NPAS1: variants seen among roughly 807,000 people sequenced by gnomAD.
The protein encoded by NPAS1 is neuronal PAS domain-containing protein 1.
Under a neutral mutation model 49.2 loss-of-function variants are expected in NPAS1, and 29 were observed. The observed-to-expected ratio is 0.59, with a 90% CI of 0.44 to 0.80. NPAS1 has a LOEUF of 0.80. NPAS1 is among the 30% of genes least tolerant of loss of function. The probability of loss-of-function intolerance (pLI) is 0.00; values close to 1 mark genes in which losing one functional copy is unlikely to be tolerated. For missense variants in NPAS1, 825 were observed against 835.5 expected (o/e 0.99, Z 0.15); for synonymous variants, 408 against 380.4 (o/e 1.07, Z -0.84).
At chr19:47,045,071 A>C (rs1346397258) in intron 11 of NPAS1, 120 bp from the exon 12 acceptor site, 10 of 952,688 alleles carry the variant, frequency 1.0e-5, no homozygotes, top group African/African-American at 1.7e-5. Context: ...CAAACAAAAA[A>C]AAAAACCCCA....
intron 3 of NPAS1, among the ~76,000 whole-genome samples, chr19:47,023,560 C>T (rs1037220333): frequency 6.6e-6 from 1 of 152,126 alleles, no homozygotes; most frequent in African/African-American, 2.4e-5. Context: ...CACCTGCTTC[C>T]ATAGTTCAGA....
chr19:47,034,313 TCAAAAAA>T (rs2056930849), intron 5 of NPAS1, among the ~76,000 whole-genome samples: 1 of 31,452 alleles, frequency 3.2e-5, no homozygotes, highest in Admixed American at 4.1e-4. Flanking sequence ...AAACTCCGTC[TCAAAAAA>T]AAAAAAAAAA....
chr19:47,021,530 C>T lies in NPAS1; in HGVS notation c.123-82C>T. 1.0e-6 allele frequency: 1 copy of T among 960,228 alleles called. No individual in the cohort carries two copies. Among genetic ancestry groups the T allele is most frequent in the Non-Finnish European group, 1.5e-6 (1 of 683,698 alleles). 59.5% of individuals were successfully genotyped at this position (960,228 alleles called of 1,614,324 possible). A position where few individuals can be genotyped will look rare whatever the true frequency, so the allele number is the denominator to read the frequency against. Reference sequence around the variant, plus strand: ...AACGTCCCGTCCCGTTCCCAAGGCCCCGGGAGGCGGGGCTCGCCCCCAGTT... The same window carrying T: ...AACGTCCCGTCCCGTTCCCAAGGCCTCGGGAGGCGGGGCTCGCCCCCAGTT... On this transcript the variant is annotated intron_variant, in intron 2 of 11. Coordinates refer to ENST00000602212, the MANE Select transcript of NPAS1 (RefSeq NM_002517.4). The surrounding 1 kb of genome is among the most constrained non-coding windows in gnomAD (Gnocchi z 5.7).
chr19:47,038,915 TGAGTGCGGCCGTGGCCCAGCG>T lies in NPAS1; in HGVS notation c.689-118_689-98del. On this transcript the variant is annotated intron_variant, in intron 6 of 11. Transcript: ENST00000602212. ...CTTTCAAAATCATCAGGCATGCCTCTGAGTGCGGCCGTGGCCCAGCGGACATCTTGTGTCTATGTCCGGCTG... is the reference window on the plus strand; with the variant it reads ...CTTTCAAAATCATCAGGCATGCCTCTGACATCTTGTGTCTATGTCCGGCTG... The T allele has an allele frequency of 1.7e-5, 13 of 778,118 alleles. No individual in the cohort carries two copies. In the South Asian group the frequency reaches 2.0e-4, roughly 12 times the overall value. 48.2% of individuals were successfully genotyped at this position (778,118 alleles called of 1,614,324 possible).
chr19:47,033,491 C>G (rs572771411), intron 5 of NPAS1, among the ~76,000 whole-genome samples: 2 of 152,222 alleles, frequency 1.3e-5, no homozygotes, highest in African/African-American at 2.4e-5. Flanking sequence ...ATCCGCCTGC[C>G]TCAGCCTCCC....
At chr19:47,039,007 C>A in intron 6 of NPAS1, 29 bp from the exon 7 acceptor site, 4 of 1,599,390 alleles carry the variant, frequency 2.5e-6, no homozygotes, top group South Asian at 1.1e-5. Context: ...CTTCAGGACC[C>A]CATAACCTTC....
At chr19:47,029,174 C>T (rs1302529465) in intron 3 of NPAS1, among the ~76,000 whole-genome samples, 11 of 151,778 alleles carry the variant, frequency 7.2e-5, no homozygotes, top group African/African-American at 2.2e-4. Context: ...CTCTGCCTCC[C>T]GGGTTCAAGT....
At chr19:47,040,321 C>T in intron 8 of NPAS1, 123 bp from the exon 9 acceptor site, 1 of 644,080 alleles carries the variant, frequency 1.6e-6, no homozygotes, top group Non-Finnish European at 2.8e-6. Flanking sequence ...CCGCGCCTGC[C>T]AACACTGTTA....
chr19:47,021,573 C>A lies in NPAS1; in HGVS notation c.123-39C>A. The A allele has an allele frequency of 7.3e-7, 1 of 1,375,588 alleles. No homozygotes were observed. Among genetic ancestry groups the A allele is most frequent in the South Asian group, 1.5e-5 (1 of 66,896 alleles). 85.2% of individuals were successfully genotyped at this position (1,375,588 alleles called of 1,614,324 possible). On this transcript the variant is annotated intron_variant, in intron 2 of 11. Coordinates refer to ENST00000602212, the MANE Select transcript of NPAS1 (RefSeq NM_002517.4). The surrounding 1 kb of genome is among the most constrained non-coding windows in gnomAD (Gnocchi z 5.7). ...CCCCAGTTCCCAAGCCCCTGAGCCC[C>A]GGGGCCCCGCCGACACCTCCTCCGC...
At chr19:47,040,376 G>A in intron 8 of NPAS1, 68 bp from the exon 9 acceptor site, 1 of 1,097,026 alleles carries the variant, frequency 9.1e-7, no homozygotes, top group Non-Finnish European at 1.3e-6. Context: ...GGGGACTCTG[G>A]AGCCAACTCT....
chr19:47,031,364 A>AT (rs1358909045), intron 3 of NPAS1, among the ~76,000 whole-genome samples: 2 of 150,990 alleles, frequency 1.3e-5, no homozygotes, highest in East Asian at 3.9e-4. Context: ...TGCCCAGCTA[A>AT]TTTTTTTGTG....
At chr19:47,037,742 A>G (rs2056973025) in intron 6 of NPAS1, among the ~76,000 whole-genome samples, 1 of 152,210 alleles carries the variant, frequency 6.6e-6, no homozygotes, top group Non-Finnish European at 1.5e-5. Context: ...GCGTGGGGCG[A>G]AGTCTGCAAC....
At chr19:47,030,636 C>CTTTTTTTTTTTTTTTTTTTTTTT (rs55931402) in intron 3 of NPAS1, among the ~76,000 whole-genome samples, 1 of 96,788 alleles carries the variant, frequency 1.0e-5, no homozygotes, top group Non-Finnish European at 2.0e-5. Context: ...GGCCCTTTGC[C>CTTTTTTTTTTTTTTTTTTTTTTT]TTTTTTTTTT....
Position 47,032,609 on chromosome 19 carries a change from T to G in NPAS1, c.433-34T>G, listed in dbSNP as rs753546894. 2.0e-5 allele frequency: 31 copies of G among 1,589,230 alleles called. No individual in the cohort carries two copies. In the Admixed American group the frequency reaches 5.0e-4, roughly 26 times the overall value. On this transcript the variant is annotated intron_variant, in intron 4 of 11. Coordinates refer to ENST00000602212, the MANE Select transcript of NPAS1 (RefSeq NM_002517.4). ...GGCTGGACAGAGGGACACCGGGTCC[T>G]CTCCTTCCCCCTCCCTGTCTCTCCC... is the stretch of plus-strand genomic sequence containing the variant.
chr19:47,022,219 T>C (rs1020316092), intron 3 of NPAS1, among the ~76,000 whole-genome samples: 1 of 152,094 alleles, frequency 6.6e-6, no homozygotes, highest in Non-Finnish European at 1.5e-5. Context: ...CATTCGCTAA[T>C]GGGCGAGATA....
rs775307323 is a variant in NPAS1, at chr19:47,036,118, C to A, written c.677C>A (p.Thr226Asn). ...SSSSSSSLAD[T>N]PEIEASLTKV... is the part of the protein sequence containing the mutation. ...TCCTCTTCCTCTTCGCTTGCAGATA[C>A]CCCCGAGATCGGTAATTCTAAGGGC... The change falls in exon 6 of 12, where the codon ACC (threonine) becomes AAC (asparagine). Residue 226 changes from threonine (T) to asparagine (N), a missense_variant. By Grantham distance (65) the Thr-to-Asn change is moderately conservative. Coordinates refer to ENST00000602212, the MANE Select transcript of NPAS1 (RefSeq NM_002517.4). 14 of 1,561,718 alleles carry A rather than the reference C, an allele frequency of 9.0e-6. No individual in the cohort carries two copies. The highest frequency in any genetic ancestry group is 6.8e-5 in the African/African-American group (5 of 73,500).
At chr19:47,038,844 T>C (rs1360340448) in intron 6 of NPAS1, among the ~76,000 whole-genome samples, 192 bp from the exon 7 acceptor site, 4 of 149,328 alleles carry the variant, frequency 2.7e-5, no homozygotes, top group Non-Finnish European at 5.9e-5. Flanking sequence ...AAAGAAAGGA[T>C]GCGGATGGCT....
At chr19:47,028,330 C>A (rs551293946) in intron 3 of NPAS1, among the ~76,000 whole-genome samples, 1 of 151,614 alleles carries the variant, frequency 6.6e-6, no homozygotes, top group Non-Finnish European at 1.5e-5. Context: ...GAGCTCCAGG[C>A]GGAGGTGGAG....
At chr19:47,020,822 G>A (rs1416803505) in intron 1 of NPAS1, 184 bp from the exon 2 acceptor site, 11 of 377,962 alleles carry the variant, frequency 2.9e-5, no homozygotes, top group Non-Finnish European at 4.2e-5. Flanking sequence ...GTCCTCACCC[G>A]GAGCGCCAGC....
Sources: gnomAD v4.1 joint callset for allele counts (sites outside exome capture counted in the v4.1 genomes callset) on GRCh38, gnomAD v4.1.1 for gene constraint, Gnocchi (gnomAD v3.1) non-coding constraint, MANE v1.5 for transcripts, NCBI Gene and HGNC (gene_info 2026-07-23, HGNC 2026-07-21) for gene names.